CHD9: variants seen among roughly 807,000 people sequenced by gnomAD.
CHD9 encodes the protein ATP-dependent chromatin remodeler CHD9.
A neutral mutation model predicts 316.1 loss-of-function variants in CHD9; 77 were observed. That is an observed-to-expected ratio of 0.24 (90% CI 0.20 to 0.29). The LOEUF (loss-of-function observed/expected upper bound fraction) is 0.29. Among genes scored for constraint, CHD9 ranks in the 10% least tolerant of loss-of-function variants. CHD9 has a pLI of 1.00. For synonymous variants in CHD9, 1,129 were observed against 1,158.3 expected (o/e 0.97, Z 0.51); for missense variants, 2,763 against 3,438.1 (o/e 0.80, Z 4.91).
At chr16:53,139,134 A>T in intron 1 of CHD9, among the ~76,000 whole-genome samples, 1 of 152,312 alleles carries the variant, frequency 6.6e-6, no homozygotes, top group South Asian at 2.1e-4. Context: ...ACAAAGATAG[A>T]TATAGTGCTT....
intron 2 of CHD9, among the ~76,000 whole-genome samples, chr16:53,195,091 A>G (rs1435078340): frequency 6.6e-6 from 1 of 152,246 alleles, no homozygotes; most frequent in African/African-American, 2.4e-5. Context: ...CATACAGAAA[A>G]TACACAAATT....
Position 53,324,973 on chromosome 16 carries a change from G to C in CHD9, c.*78G>C. Reference sequence around the variant, plus strand: ...AATTAATTGTAAATACCCCAGTGTTGAGTGCATCAATAACTTACTGACCGA... The same window carrying C: ...AATTAATTGTAAATACCCCAGTGTTCAGTGCATCAATAACTTACTGACCGA... On this transcript the variant is annotated 3_prime_UTR_variant, in exon 39 of 39. Transcript: ENST00000447540. 2 of 1,215,038 alleles carry C rather than the reference G, an allele frequency of 1.6e-6. No individual in the cohort carries two copies. Among genetic ancestry groups the C allele is most frequent in the Non-Finnish European group, 1.1e-6 (1 of 888,128 alleles). The allele number at this position is 1,215,038 out of a possible 1,614,324, so 75.3% of individuals were successfully genotyped here.
At chr16:53,069,369 T>A (rs1201318373) in intron 1 of CHD9, among the ~76,000 whole-genome samples, 2 of 152,148 alleles carry the variant, frequency 1.3e-5, no homozygotes, top group Non-Finnish European at 2.9e-5. Context: ...CCACTATCCA[T>A]CTCCAGAACT....
chr16:53,212,193 A>G (rs1423103389), intron 3 of CHD9, among the ~76,000 whole-genome samples: 1 of 152,046 alleles, frequency 6.6e-6, no homozygotes, highest in Admixed American at 6.6e-5. Context: ...CGAGGTCAGG[A>G]GATTGAGACC....
chr16:53,194,438 G>A (rs1451032091), intron 2 of CHD9, among the ~76,000 whole-genome samples: 2 of 152,040 alleles, frequency 1.3e-5, no homozygotes, highest in East Asian at 3.9e-4. Flanking sequence ...TCCAGGCATA[G>A]TGACGCAGGC....
chr16:53,105,314 TCATATA>T lies in CHD9; in HGVS notation c.-165+50238_-165+50243del, dbSNP rs201738396. ...TCTTATGGGCCTTTCCAGAGATATT[TCATATA>T]TATGTATGTAAATGTATATAAGCAA... On this transcript the variant is annotated intron_variant, in intron 1 of 38. Coordinates refer to ENST00000447540, the MANE Select transcript of CHD9 (RefSeq NM_001308319.2). Among the ~76,000 whole-genome samples, 65 of 152,266 alleles carry T rather than the reference TCATATA, an allele frequency of 4.3e-4. No individual in the cohort carries two copies. The East Asian group carries it at 0.011, about 27-fold the overall frequency.
intron 2 of CHD9, among the ~76,000 whole-genome samples, chr16:53,201,568 C>T (rs748431147): frequency 3.9e-5 from 6 of 152,118 alleles, no homozygotes; most frequent in Non-Finnish European, 8.8e-5. Flanking sequence ...CAGGCATCTC[C>T]TTTGCTTGTC....
chr16:53,231,610 CTTT>C, intron 9 of CHD9, 34 bp from the exon 10 acceptor site: 1 of 1,476,316 alleles, frequency 6.8e-7, no homozygotes, highest in Non-Finnish European at 9.2e-7. Context: ...TTACTAGTGT[CTTT>C]TTCAAAATGG....
chr16:53,061,726 G>C (rs891909160), intron 1 of CHD9, among the ~76,000 whole-genome samples: 3 of 152,180 alleles, frequency 2.0e-5, no homozygotes, highest in African/African-American at 7.2e-5. Flanking sequence ...CTAACTGTCT[G>C]CTGTGCACAC....
intron 2 of CHD9, among the ~76,000 whole-genome samples, chr16:53,207,165 T>C (rs2045955067): frequency 1.3e-5 from 2 of 152,168 alleles, no homozygotes; most frequent in Admixed American, 6.5e-5. Context: ...AAAAATGGCA[T>C]TGATGAAAGA....
chr16:53,153,434 GTT>G (rs1480272665), intron 1 of CHD9, among the ~76,000 whole-genome samples: 1 of 152,094 alleles, frequency 6.6e-6, no homozygotes, highest in African/African-American at 2.4e-5. Context: ...AGGAAGGAGA[GTT>G]TTAATTTTTT....
chr16:53,232,615 A>G (rs1470933290), intron 10 of CHD9, among the ~76,000 whole-genome samples: 1 of 152,142 alleles, frequency 6.6e-6, no homozygotes, highest in Non-Finnish European at 1.5e-5. Context: ...CACGTAAAGT[A>G]TTTTGAGATT....
chr16:53,149,576 A>ATT (rs199516824), intron 1 of CHD9, among the ~76,000 whole-genome samples: 41 of 130,958 alleles, frequency 3.1e-4, no homozygotes, highest in South Asian at 2.0e-3. Flanking sequence ...GTACCCAGCC[A>ATT]TTTTTTTTTT....
chr16:53,200,944 C>T (rs1304355198), intron 2 of CHD9, among the ~76,000 whole-genome samples: 1 of 152,164 alleles, frequency 6.6e-6, no homozygotes, highest in African/African-American at 2.4e-5. Flanking sequence ...GTATGCCTGA[C>T]ACCATGCTAA....
intron 24 of CHD9, among the ~76,000 whole-genome samples, chr16:53,275,183 A>C (rs2052692055): frequency 6.6e-6 from 1 of 151,846 alleles, no homozygotes; most frequent in African/African-American, 2.4e-5. Context: ...AGGTGCCATC[A>C]CACCTGCCTA....
intron 27 of CHD9, among the ~76,000 whole-genome samples, chr16:53,289,057 G>A (rs1459860245): frequency 6.6e-6 from 1 of 151,938 alleles, no homozygotes; most frequent in East Asian, 1.9e-4. Flanking sequence ...CATTTACCAT[G>A]AGTGAATGTT....
At chr16:53,275,801 A>G (rs964328127) in intron 24 of CHD9, among the ~76,000 whole-genome samples, 1 of 152,108 alleles carries the variant, frequency 6.6e-6, no homozygotes, top group Non-Finnish European at 1.5e-5. Flanking sequence ...CCCTCTTATT[A>G]CAATTAAAGA....
At chr16:53,162,206 C>G (rs1411157493) in intron 2 of CHD9, among the ~76,000 whole-genome samples, 2 of 151,908 alleles carry the variant, frequency 1.3e-5, no homozygotes, top group East Asian at 1.9e-4. Flanking sequence ...AGAGAGGAGC[C>G]AGGACACAGT....
chr16:53,315,606 G>A (rs951442108), intron 36 of CHD9, among the ~76,000 whole-genome samples: 1 of 152,018 alleles, frequency 6.6e-6, no homozygotes, highest in Admixed American at 6.6e-5. Context: ...AGTCTCCTGA[G>A]TAGCTGGGAC....
Sources: allele counts gnomAD v4.1 joint callset (sites outside exome capture counted in the v4.1 genomes callset), GRCh38; gene constraint gnomAD v4.1.1; transcripts MANE v1.5; gene names NCBI Gene and HGNC (gene_info 2026-07-23, HGNC 2026-07-21).